Variants in CHRM3 observed in about 807,000 individuals in gnomAD.
The protein encoded by CHRM3 is cholinergic receptor muscarinic 3.
In CHRM3, 11 loss-of-function variants were observed where a neutral mutation model predicts 41.8. The ratio of observed to expected loss-of-function variants is 0.26; its 90% CI spans 0.17 to 0.44. The LOEUF is 0.44. Ranked by LOEUF, CHRM3 falls within the 20% of genes least tolerant of loss-of-function variation. The pLI, the probability that CHRM3 is intolerant of heterozygous loss-of-function variation, is 1.00. For synonymous variants in CHRM3, 297 were observed against 301.4 expected (o/e 0.99, Z 0.15); for missense variants, 571 against 745.4 (o/e 0.77, Z 2.72).
intron 1 of CHRM3, among the ~76,000 whole-genome samples, chr1:239,471,826 G>A (rs1666141244): frequency 6.6e-6 from 1 of 152,302 alleles, no homozygotes; most frequent in Non-Finnish European, 1.5e-5. Context: ...GTCATGGGCT[G>A]TGCACCAAAC....
intron 5 of CHRM3, among the ~76,000 whole-genome samples, chr1:239,716,966 A>G (rs1056755638): frequency 6.6e-6 from 1 of 152,080 alleles, no homozygotes; most frequent in Non-Finnish European, 1.5e-5. Context: ...TCCAGATAAT[A>G]GTTATGAGAT....
intron 4 of CHRM3, among the ~76,000 whole-genome samples, chr1:239,655,450 C>T (rs1467114645): frequency 2.0e-5 from 3 of 152,188 alleles, no homozygotes; most frequent in African/African-American, 7.2e-5. Flanking sequence ...TTGCATCTGT[C>T]GAATGGGAGA....
chr1:239,711,376 C>T (rs1256122433), intron 5 of CHRM3, among the ~76,000 whole-genome samples: 1 of 152,044 alleles, frequency 6.6e-6, no homozygotes, highest in Non-Finnish European at 1.5e-5. Flanking sequence ...CCAGTGTCTG[C>T]ACTCCTCTTT....
chr1:239,859,400 T>TG (rs1356749365), intron 6 of CHRM3, among the ~76,000 whole-genome samples: 1 of 133,904 alleles, frequency 7.5e-6, no homozygotes, highest in Non-Finnish European at 1.6e-5. Flanking sequence ...GGCCTGTTTT[T>TG]TTTGTTGTTG....
At chr1:239,853,816 C>T (rs1237168635) in intron 6 of CHRM3, among the ~76,000 whole-genome samples, 1 of 152,006 alleles carries the variant, frequency 6.6e-6, no homozygotes, top group African/African-American at 2.4e-5. Flanking sequence ...TCCATCTTGC[C>T]TCTAAGCCAT....
chr1:239,881,013 G>T (rs1035290300), intron 6 of CHRM3, among the ~76,000 whole-genome samples: 2 of 152,108 alleles, frequency 1.3e-5, no homozygotes, highest in Admixed American at 6.5e-5. Context: ...GCCGGGCGCG[G>T]TGGCTCACGC....
chr1:239,529,333 G>A (rs1013708663), intron 2 of CHRM3, among the ~76,000 whole-genome samples: 3 of 151,848 alleles, frequency 2.0e-5, no homozygotes, highest in Non-Finnish European at 1.5e-5. Flanking sequence ...CTTTTTGGCC[G>A]GGCATGGTGG....
intron 1 of CHRM3, among the ~76,000 whole-genome samples, chr1:239,469,548 A>C (rs1665964223): frequency 6.6e-6 from 1 of 152,100 alleles, no homozygotes; most frequent in East Asian, 1.9e-4. Flanking sequence ...CTTTTTTAAA[A>C]AATTTTTTTA....
chr1:239,888,037 G>C (rs993636618), intron 6 of CHRM3, among the ~76,000 whole-genome samples: 1 of 152,124 alleles, frequency 6.6e-6, no homozygotes, highest in Admixed American at 6.6e-5. Context: ...TCGTGGTCTT[G>C]ATGGTTATTG....
intron 5 of CHRM3, among the ~76,000 whole-genome samples, chr1:239,691,514 C>G (rs1158989375): frequency 6.6e-6 from 1 of 152,050 alleles, no homozygotes; most frequent in East Asian, 1.9e-4. Context: ...TCAGTTTAAA[C>G]AAAATGTCAA....
At chr1:239,672,330 CTCAGAAAAGGCT>C (rs890300764) in intron 4 of CHRM3, among the ~76,000 whole-genome samples, 1 of 151,992 alleles carries the variant, frequency 6.6e-6, no homozygotes, top group Non-Finnish European at 1.5e-5. Context: ...GAGACAAGAC[CTCAGAAAAGGCT>C]TCAGAAAAGG....
At chr1:239,797,151 G>C (rs1295671542) in intron 5 of CHRM3, among the ~76,000 whole-genome samples, 5 of 152,134 alleles carry the variant, frequency 3.3e-5, no homozygotes. Context: ...GCTAAACATT[G>C]TGTACTCATG....
chr1:239,643,082 T>C (rs1671367291), intron 4 of CHRM3, among the ~76,000 whole-genome samples: 1 of 152,146 alleles, frequency 6.6e-6, no homozygotes, highest in African/African-American at 2.4e-5. Flanking sequence ...GAACAGTGGA[T>C]GTTCGTGATC....
In CHRM3 at chr1:239,484,981, G is replaced by A. The variant is rs116240572; in HGVS notation, c.-520-7728G>A. Among the ~76,000 whole-genome samples the A allele has an allele frequency of 7.6e-3, 1,155 of 152,270 alleles. 13 individuals are homozygous for A. Among genetic ancestry groups the A allele is most frequent in the African/African-American group, 0.027 (1,114 of 41,558 alleles). On this transcript the variant is annotated intron_variant, in intron 1 of 6. Coordinates refer to ENST00000676153, the MANE Select transcript of CHRM3 (RefSeq NM_001375978.1). ...TTTTTATGAGCCTATACTTTCACCA[G>A]TCTAAATTTGTTGGATGGAGGAAGA...
intron 5 of CHRM3, among the ~76,000 whole-genome samples, chr1:239,794,147 T>A (rs1021873873): frequency 6.6e-6 from 1 of 152,152 alleles, no homozygotes; most frequent in Non-Finnish European, 1.5e-5. Context: ...GAGTTTTTAT[T>A]TTCTTCACAG....
At chr1:239,577,106 G>A (rs1283385340) in intron 3 of CHRM3, among the ~76,000 whole-genome samples, 1 of 152,142 alleles carries the variant, frequency 6.6e-6, no homozygotes, top group Non-Finnish European at 1.5e-5. Flanking sequence ...CCCAGAATTT[G>A]TAAAAGGACT....
chr1:239,747,228 CAAT>C (rs1665445494), intron 5 of CHRM3, among the ~76,000 whole-genome samples: 1 of 152,150 alleles, frequency 6.6e-6, no homozygotes, highest in Non-Finnish European at 1.5e-5. Flanking sequence ...TCAATGGACT[CAAT>C]AAATATGATT....
intron 6 of CHRM3, among the ~76,000 whole-genome samples, chr1:239,856,875 CTTGAGTGGGATT>C (rs1572503308): frequency 6.6e-6 from 1 of 152,158 alleles, no homozygotes; most frequent in Non-Finnish European, 1.5e-5. Flanking sequence ...CTAACATTTA[CTTGAGTGGGATT>C]TTGCAAAGAA....
intron 5 of CHRM3, among the ~76,000 whole-genome samples, chr1:239,679,949 G>A (rs769850946): frequency 2.6e-4 from 39 of 151,926 alleles, no homozygotes; most frequent in African/African-American, 8.5e-4. Flanking sequence ...CTGGTTCTCC[G>A]GCTTCACCGC....
Sources: allele counts gnomAD v4.1 joint callset (sites outside exome capture counted in the v4.1 genomes callset), GRCh38; gene constraint gnomAD v4.1.1; transcripts MANE v1.5; gene names NCBI Gene and HGNC (gene_info 2026-07-23, HGNC 2026-07-21).